Variants in ANO10 observed in about 807,000 individuals in gnomAD.
ANO10 encodes anoctamin-10.
Under a neutral mutation model 74.7 loss-of-function variants are expected in ANO10, and 77 were observed. That is an observed-to-expected ratio of 1.03 (90% CI 0.86 to 1.25). The LOEUF is 1.25. Ranked by LOEUF, ANO10 falls within the 50% of genes most tolerant of loss-of-function variation. ANO10 has a pLI of 0.00. For missense variants in ANO10, 721 were observed against 778.1 expected (o/e 0.93, Z 0.87); for synonymous variants, 279 against 284.9 (o/e 0.98, Z 0.21).
rs144656399 is a variant in ANO10, at chr3:43,678,414, C to T, written c.-12+13103G>A. On this transcript the variant is annotated intron_variant, in intron 1 of 3. Transcript: ENST00000413397. ...TGAAATCCACAGGCAGACAGCCCAG[C>T]GCCACACCCTGGGCCTGGTAGTTAA... Among the ~76,000 whole-genome samples the T allele has an allele frequency of 1.4e-4, 22 of 152,266 alleles. No individual in the cohort carries two copies. In the South Asian group the frequency reaches 2.9e-3, roughly 20 times the overall value.
chr3:43,539,854 T>G (rs1229526515), intron 11 of ANO10, among the ~76,000 whole-genome samples: 1 of 152,206 alleles, frequency 6.6e-6, no homozygotes, highest in Non-Finnish European at 1.5e-5. Context: ...CTATTCTGAG[T>G]GTAAAACGAT....
chr3:43,661,009 A>G (rs1198187354), intron 1 of ANO10, among the ~76,000 whole-genome samples: 1 of 152,160 alleles, frequency 6.6e-6, no homozygotes, highest in Non-Finnish European at 1.5e-5. Context: ...AACTTCCCCA[A>G]CCTAGCAAGG....
At chr3:43,575,661 G>T (rs1383277092) in intron 6 of ANO10, among the ~76,000 whole-genome samples, 1 of 151,352 alleles carries the variant, frequency 6.6e-6, no homozygotes, top group Admixed American at 6.6e-5. Flanking sequence ...TTTGTGAGAC[G>T]GAGTCTTGCT....
chr3:43,485,208 C>T (rs1339463583), intron 11 of ANO10: 6 of 684,120 alleles, frequency 8.8e-6, no homozygotes, highest in East Asian at 5.3e-5. Flanking sequence ...CCGGTATTGC[C>T]GGTACATGTT....
At chr3:43,669,386 C>T (rs2084030526) in intron 1 of ANO10, among the ~76,000 whole-genome samples, 2 of 151,946 alleles carry the variant, frequency 1.3e-5, no homozygotes, top group African/African-American at 4.8e-5. Flanking sequence ...ATGTGAGGGC[C>T]CCCCATGAAT....
chr3:43,403,829 A>G (rs1489476212), intron 12 of ANO10, among the ~76,000 whole-genome samples: 2 of 152,186 alleles, frequency 1.3e-5, no homozygotes, highest in Non-Finnish European at 2.9e-5. Flanking sequence ...TCAACTTAAT[A>G]AACATTCAGA....
At chr3:43,505,058 G>C (rs2077243117) in intron 11 of ANO10, among the ~76,000 whole-genome samples, 1 of 152,198 alleles carries the variant, frequency 6.6e-6, no homozygotes, top group Non-Finnish European at 1.5e-5. Flanking sequence ...AGTGCCATGA[G>C]AGTTGCTCTG....
intron 11 of ANO10, among the ~76,000 whole-genome samples, chr3:43,526,871 G>T (rs2149234959): frequency 1.0e-5 from 1 of 99,186 alleles, no homozygotes; most frequent in East Asian, 4.6e-4. Flanking sequence ...TTCTCTTAGG[G>T]TCTAAAATAA....
chr3:43,459,902 A>G (rs1360862417), intron 11 of ANO10, among the ~76,000 whole-genome samples: 1 of 152,220 alleles, frequency 6.6e-6, no homozygotes, highest in Admixed American at 6.5e-5. Context: ...CAGGGTCACA[A>G]ACCAGTAAAT....
intron 1 of ANO10, among the ~76,000 whole-genome samples, chr3:43,661,686 G>C (rs910920459): frequency 1.3e-5 from 2 of 152,048 alleles, no homozygotes; most frequent in Admixed American, 1.3e-4. Flanking sequence ...ACACACATAG[G>C]CTCAAAACAA....
Position 43,577,163 on chromosome 3 carries a change from G to A in ANO10, c.691C>T (p.Pro231Ser). Residue 231 changes from proline (P) to serine (S), a missense_variant, in exon 6 of 13, where the codon CCT becomes TCT. Pro to Ser is a moderately conservative substitution (Grantham distance 74, BLOSUM62 -1). Transcript: ENST00000292246. ...ALIPMAVIGL[P>S]YYLFVWEDYD... ...TCTTCCCACACAAACAAGTAGTAAGGTAACCCAATGACAGCCATGGGGATT... is the reference window on the plus strand; with the variant it reads ...TCTTCCCACACAAACAAGTAGTAAGATAACCCAATGACAGCCATGGGGATT... 6.2e-7 allele frequency: 1 copy of A among 1,614,094 alleles called. No individual in the cohort carries two copies. The highest frequency in any genetic ancestry group is 8.5e-7 in the Non-Finnish European group (1 of 1,180,016).
chr3:43,486,703 G>A (rs2076504874), intron 11 of ANO10, among the ~76,000 whole-genome samples: 1 of 149,718 alleles, frequency 6.7e-6, no homozygotes, highest in Non-Finnish European at 1.5e-5. Context: ...GAGATTTTGG[G>A]CTGAGACAAT....
chr3:43,369,173 T>A (rs190251871), intron 12 of ANO10, among the ~76,000 whole-genome samples: 1 of 152,370 alleles, frequency 6.6e-6, no homozygotes, highest in East Asian at 1.9e-4. Flanking sequence ...GATGTGCCCA[T>A]GAGGGGCTTC....
chr3:43,449,294 CT>C (rs368078711), intron 11 of ANO10, among the ~76,000 whole-genome samples: 1 of 152,014 alleles, frequency 6.6e-6, no homozygotes, highest in African/African-American at 2.4e-5. Context: ...TTTTCATTCT[CT>C]TTTGCAGAGA....
At chr3:43,442,231 A>G (rs2093170749) in intron 11 of ANO10, among the ~76,000 whole-genome samples, 2 of 152,052 alleles carry the variant, frequency 1.3e-5, no homozygotes, top group South Asian at 4.1e-4. Context: ...TAGTAAAATT[A>G]TATCTGTTTG....
At position 43,577,130 on chromosome 3, in the gene ANO10, T is replaced by C; in HGVS notation, c.724A>G (p.Lys242Glu). 1 of 1,614,204 alleles carries C rather than the reference T, an allele frequency of 6.2e-7. No individual in the cohort carries two copies. Among genetic ancestry groups the C allele is most frequent in the Non-Finnish European group, 8.5e-7 (1 of 1,180,024 alleles). Reference protein sequence around the residue: ...YYLFVWEDYDKYVIFASFNLI... With the variant: ...YYLFVWEDYDEYVIFASFNLI... Reference sequence around the variant, plus strand: ...TTGAACGAGGCAAAGATCACGTACTTGTCATAGTCTTCCCACACAAACAAG... The same window carrying C: ...TTGAACGAGGCAAAGATCACGTACTCGTCATAGTCTTCCCACACAAACAAG... Residue 242 changes from lysine to glutamate, a missense_variant, in exon 6 of 13, where the codon AAG becomes GAG. Transcript: ENST00000292246.
intron 11 of ANO10, among the ~76,000 whole-genome samples, chr3:43,438,297 A>G (rs1337101098): frequency 6.6e-6 from 1 of 152,226 alleles, no homozygotes; most frequent in African/African-American, 2.4e-5. Context: ...TAAAAAACTT[A>G]GCTGGGTGTG....
At chr3:43,485,259 G>A (rs1463001257) in intron 11 of ANO10, 8 of 621,610 alleles carry the variant, frequency 1.3e-5, no homozygotes, top group African/African-American at 1.1e-4. Flanking sequence ...GGCAGGACTA[G>A]CTGCTGTTTG....
At chr3:43,447,306 C>T (rs1430597956) in intron 11 of ANO10, among the ~76,000 whole-genome samples, 2 of 152,160 alleles carry the variant, frequency 1.3e-5, no homozygotes, top group African/African-American at 2.4e-5. Context: ...TGGTATTAAG[C>T]ACGCATGTAC....
Sources: gnomAD v4.1 joint callset for allele counts (sites outside exome capture counted in the v4.1 genomes callset) on GRCh38, gnomAD v4.1.1 for gene constraint, MANE v1.5 for transcripts, NCBI Gene and HGNC (gene_info 2026-07-23, HGNC 2026-07-21) for gene names.